The following PLXNA2 variants were observed in gnomAD, a reference collection of about 807,000 sequenced individuals.
PLXNA2 encodes plexin-A2.
Under a neutral mutation model 193.5 loss-of-function variants are expected in PLXNA2, and 91 were observed. The ratio of observed to expected loss-of-function variants is 0.47; its 90% confidence interval spans 0.40 to 0.56. The LOEUF is 0.56. PLXNA2 is among the 20% of genes least tolerant of loss of function. The pLI, the probability that PLXNA2 is intolerant of heterozygous loss-of-function variation, is 0.00. For synonymous variants in PLXNA2, 997 were observed against 1,027.3 expected (o/e 0.97, Z 0.56); for missense variants, 1,995 against 2,503.2 (o/e 0.80, Z 4.33).
chr1:208,109,825 G>A (rs542445951), intron 4 of PLXNA2, among the ~76,000 whole-genome samples: 12 of 152,312 alleles, frequency 7.9e-5, no homozygotes, highest in African/African-American at 1.9e-4. Context: ...AGAGCAGAGC[G>A]GGGATCAGGA....
chr1:208,225,917 C>A (rs942454036), intron 1 of PLXNA2, among the ~76,000 whole-genome samples: 8 of 152,190 alleles, frequency 5.3e-5, no homozygotes, highest in Non-Finnish European at 1.2e-4. Context: ...ATTTAAGCCA[C>A]CTGGTCTGTG....
At chr1:208,056,402 G>A (rs572184491) in intron 13 of PLXNA2, among the ~76,000 whole-genome samples, 2 of 152,306 alleles carry the variant, frequency 1.3e-5, no homozygotes, top group South Asian at 2.1e-4. Flanking sequence ...AATCATCACA[G>A]GCTTGAAGTT....
intron 5 of PLXNA2, among the ~76,000 whole-genome samples, chr1:208,102,473 G>A (rs564519386): frequency 6.6e-6 from 1 of 152,230 alleles, no homozygotes; most frequent in Non-Finnish European, 1.5e-5. Flanking sequence ...GTATTCAACG[G>A]CAGATCATGA....
chr1:208,157,818 A>G (rs1668984254), intron 3 of PLXNA2, among the ~76,000 whole-genome samples: 1 of 152,262 alleles, frequency 6.6e-6, no homozygotes, highest in Non-Finnish European at 1.5e-5. Context: ...AAATGGAAGA[A>G]TGAATGAATA....
chr1:208,139,111 G>T (rs751363054), intron 4 of PLXNA2, among the ~76,000 whole-genome samples: 1 of 152,178 alleles, frequency 6.6e-6, no homozygotes, highest in Non-Finnish European at 1.5e-5. Context: ...TTAGTCTCAG[G>T]CCCATCTTTT....
intron 3 of PLXNA2, among the ~76,000 whole-genome samples, chr1:208,145,343 G>T (rs1025716732): frequency 5.3e-5 from 8 of 152,340 alleles, no homozygotes; most frequent in Non-Finnish European, 7.4e-5. Flanking sequence ...CCCAGCAGCT[G>T]CAGGGCTGGG....
At chr1:208,111,603 T>C (rs1667478277) in intron 4 of PLXNA2, among the ~76,000 whole-genome samples, 1 of 152,106 alleles carries the variant, frequency 6.6e-6, no homozygotes, top group Non-Finnish European at 1.5e-5. Context: ...ATAAAGACAA[T>C]ATCTGTCCCA....
In PLXNA2 at chr1:208,051,370, C is replaced by A; in HGVS notation, c.3047G>T (p.Gly1016Val). The change falls in exon 16 of 32, where the codon GGC (glycine) becomes GTC (valine). Residue 1016 changes from glycine (G) to valine (V), a missense_variant. Coordinates refer to ENST00000367033, the MANE Select transcript of PLXNA2 (RefSeq NM_025179.4). ...GACACTCACAGAAACAGGGACCGGG[C>A]CAAGGCCATTGGATGATGGGGGTGA... is the stretch of plus-strand genomic sequence containing the variant. ...CVSPPSSNGL[G>V]PVPVSVSVDR... 1 of 1,613,084 alleles carries A rather than the reference C, an allele frequency of 6.2e-7. No individual in the cohort carries two copies. Among genetic ancestry groups the A allele is most frequent in the Non-Finnish European group, 8.5e-7 (1 of 1,179,758 alleles).
chr1:208,138,941 C>T lies in PLXNA2; in HGVS notation c.1506+3388G>A, dbSNP rs552496248. On this transcript the variant is annotated intron_variant, in intron 4 of 31. Coordinates refer to ENST00000367033, the MANE Select transcript of PLXNA2 (RefSeq NM_025179.4). ...ACTCAGGAGGCTGAGGCAGAAGAAT[C>T]GCTTTAACCCAGGAGGCGGAGGTTG... Among the ~76,000 whole-genome samples, 5 of 152,282 alleles carry T rather than the reference C, an allele frequency of 3.3e-5. No individual in the cohort carries two copies. The East Asian group carries it at 9.6e-4, about 29-fold the overall frequency.
intron 3 of PLXNA2, among the ~76,000 whole-genome samples, chr1:208,163,057 G>A (rs1051055531): frequency 6.6e-6 from 1 of 152,154 alleles, no homozygotes; most frequent in Non-Finnish European, 1.5e-5. Flanking sequence ...GGGAGGCATG[G>A]CAGGGACAGC....
intron 3 of PLXNA2, among the ~76,000 whole-genome samples, chr1:208,166,779 A>C (rs1164429018): frequency 6.6e-6 from 1 of 152,146 alleles, no homozygotes; most frequent in Non-Finnish European, 1.5e-5. Flanking sequence ...GGAGAGGGGA[A>C]ACACATATTG....
intron 4 of PLXNA2, among the ~76,000 whole-genome samples, chr1:208,110,073 C>G (rs770177969): frequency 1.3e-5 from 2 of 152,238 alleles, no homozygotes; most frequent in Non-Finnish European, 2.9e-5. Flanking sequence ...GACACTCATT[C>G]AGAGTCCTCA....
chr1:208,241,255 G>C (rs1672040286), intron 1 of PLXNA2, among the ~76,000 whole-genome samples: 1 of 152,184 alleles, frequency 6.6e-6, no homozygotes, highest in Admixed American at 6.5e-5. Flanking sequence ...GCAGACTTCA[G>C]TAAAACAGAT....
In PLXNA2 at chr1:208,060,719, G is replaced by A. The variant is rs147652560; in HGVS notation, c.2705C>T (p.Thr902Met). Residue 902 changes from threonine to methionine, a missense_variant, in exon 13 of 32, where the codon ACG becomes ATG. Physicochemically the swap from Thr to Met is moderately conservative, Grantham distance 81. Transcript: ENST00000367033. The stretch of plus-strand genomic sequence containing the variant: ...GATGATGTATTCCCCTGGGAGGGGC[G>A]TGCAGGGCACCCCAGCCACCTGCAC... ...HHVQVAGVPC[T>M]PLPGEYIIAE... is the part of the protein sequence containing the mutation. 52 of 1,613,852 alleles carry A rather than the reference G, an allele frequency of 3.2e-5. No individual in the cohort carries two copies. Among genetic ancestry groups the A allele is most frequent in the Admixed American group, 1.7e-4 (10 of 59,996 alleles).
chr1:208,057,176 C>G (rs976467746), intron 13 of PLXNA2, among the ~76,000 whole-genome samples: 1 of 152,218 alleles, frequency 6.6e-6, no homozygotes, highest in Admixed American at 6.5e-5. Context: ...CTCTACAAGA[C>G]AGGATCTCAT....
intron 3 of PLXNA2, among the ~76,000 whole-genome samples, chr1:208,203,900 G>A (rs1670632715): frequency 2.0e-5 from 3 of 152,226 alleles, no homozygotes; most frequent in Admixed American, 1.3e-4. Flanking sequence ...CAGGGCTGAG[G>A]AGAGTTAATA....
intron 4 of PLXNA2, among the ~76,000 whole-genome samples, chr1:208,109,827 G>C (rs961601628): frequency 2.6e-5 from 4 of 152,196 alleles, no homozygotes. Flanking sequence ...AGCAGAGCGG[G>C]GATCAGGAGG....
rs140708630 is a variant in PLXNA2 at position 208,079,380 on chromosome 1, C to A, written c.2466G>T (p.Glu822Asp). ...GLCLKADRKF[E>D]CGWCSGERRC... ...TGCGCTCGCCGCTGCACCAGCCACA[C>A]TCAAACTTCCGGTCGGCCTTGAGGC... The change falls in exon 12 of 32, where the codon GAG becomes GAT. Residue 822 changes from glutamate (E) to aspartate (D), a missense_variant. Glu to Asp is a conservative substitution (Grantham distance 45). Transcript: ENST00000367033. 96 of 1,613,750 alleles carry A rather than the reference C, an allele frequency of 5.9e-5. No homozygotes were observed. The highest frequency in any genetic ancestry group is 7.8e-5 in the Non-Finnish European group (92 of 1,179,890).
rs11806376 is a variant in PLXNA2 at position 208,222,430 on chromosome 1, C to A, written c.-80-4428G>T. The stretch of plus-strand genomic sequence containing the variant: ...TCGCCTGAACAAGAGAGTCTCCCAG[C>A]ACATGTAACTCGGAGCGTTCCTGAT... On this transcript the variant is annotated intron_variant, in intron 1 of 31. Coordinates refer to ENST00000367033, the MANE Select transcript of PLXNA2 (RefSeq NM_025179.4). Among the ~76,000 whole-genome samples the A allele has an allele frequency of 7.6e-3, 1,161 of 152,298 alleles. 14 individuals carry two copies. The highest frequency in any genetic ancestry group is 0.024 in the South Asian group (117 of 4,820).
Sources: gnomAD v4.1 joint callset for allele counts (sites outside exome capture counted in the v4.1 genomes callset) on GRCh38, gnomAD v4.1.1 for gene constraint, MANE v1.5 for transcripts, NCBI Gene and HGNC (gene_info 2026-07-23, HGNC 2026-07-21) for gene names.